GLIS3: variants seen among roughly 807,000 people sequenced by gnomAD.
GLIS3 encodes zinc finger protein GLIS3.
In GLIS3, 53 loss-of-function variants were observed where a neutral mutation model predicts 78.6. That is an observed-to-expected ratio of 0.67 (90% confidence interval 0.54 to 0.85). GLIS3 has a LOEUF of 0.85. GLIS3 is among the 40% of genes least tolerant of loss of function. GLIS3 has a pLI of 0.00. For missense variants in GLIS3, 1,703 were observed against 1,231.1 expected, an observed-to-expected ratio of 1.38 and a Z score of -5.74; for synonymous variants, 684 against 509.9, an observed-to-expected ratio of 1.34 and a Z score of -4.60.
chr9:4,140,380 C>T (rs1833720725), intron 2 of GLIS3, among the ~76,000 whole-genome samples: 3 of 152,116 alleles, frequency 2.0e-5, no homozygotes, highest in Admixed American at 2.0e-4. Flanking sequence ...TTGTTTTTCC[C>T]TAAGCAGTAA....
chr9:4,419,077 T>C, the GLIS3 span, among the ~76,000 whole-genome samples: 1 of 152,208 alleles, frequency 6.6e-6, no homozygotes, highest in South Asian at 2.1e-4. Flanking sequence ...AAATACACCA[T>C]TGCTGAGAGC....
At position 4,027,862 on chromosome 9, in the gene GLIS3, A is replaced by G. The variant is rs569913334; in HGVS notation, c.1710+89906T>C. On this transcript the variant is annotated intron_variant, in intron 4 of 10. Transcript: ENST00000381971. ...GTAGGAGAGGTACGCTCCAGCTAAT[A>G]GGCCATCAATCTGTCAGTGGCTCTT... 7.2e-5 allele frequency among the ~76,000 whole-genome samples: 11 copies of G among 152,296 alleles called. No individual in the cohort carries two copies. The South Asian group carries it at 2.3e-3, about 32-fold the overall frequency.
intron 4 of GLIS3, among the ~76,000 whole-genome samples, chr9:4,037,080 G>A (rs188318451): frequency 7.2e-5 from 11 of 152,136 alleles, no homozygotes; most frequent in Admixed American, 7.2e-4. Flanking sequence ...CACTCTCTGA[G>A]CACCAGTTTT....
intron 2 of GLIS3, among the ~76,000 whole-genome samples, chr9:4,241,150 G>C (rs1823271163): frequency 6.6e-6 from 1 of 152,162 alleles, no homozygotes. Flanking sequence ...TGCACACTCT[G>C]AAATCTAAAG....
At chr9:3,852,754 AC>A (rs869153098) in intron 9 of GLIS3, among the ~76,000 whole-genome samples, 13 of 121,696 alleles carry the variant, frequency 1.1e-4, no homozygotes, top group Middle Eastern at 4.2e-3. Flanking sequence ...AATGGCTAAT[AC>A]AGGGGCACGC....
At chr9:4,030,467 CT>C (rs1325965065) in intron 4 of GLIS3, among the ~76,000 whole-genome samples, 1 of 152,160 alleles carries the variant, frequency 6.6e-6, no homozygotes, top group Non-Finnish European at 1.5e-5. Context: ...TCCATCTTTG[CT>C]TTGGTTGCCT....
At chr9:4,369,945 A>G in the GLIS3 span, among the ~76,000 whole-genome samples, 1 of 152,200 alleles carries the variant, frequency 6.6e-6, no homozygotes, top group Non-Finnish European at 1.5e-5. Context: ...TAATCCCAGC[A>G]TTTTGGGAGG....
chr9:4,184,584 G>T (rs1470856130), intron 2 of GLIS3, among the ~76,000 whole-genome samples: 1 of 152,166 alleles, frequency 6.6e-6, no homozygotes, highest in Non-Finnish European at 1.5e-5. Flanking sequence ...TGATCAATGT[G>T]TTTGCTTAAA....
intron 4 of GLIS3, among the ~76,000 whole-genome samples, chr9:3,963,085 A>G (rs1344783396): frequency 7.2e-5 from 11 of 152,172 alleles, no homozygotes; most frequent in Non-Finnish European, 1.3e-4. Flanking sequence ...AGGCAAGTAT[A>G]ATTACATGGT....
the GLIS3 span, among the ~76,000 whole-genome samples, chr9:4,466,678 C>G: frequency 6.5e-4 from 99 of 152,280 alleles, no homozygotes; most frequent in African/African-American, 2.3e-3. Flanking sequence ...TCCAAGATGG[C>G]TGAATAGGAA....
chr9:3,886,516 G>T (rs1822083094), intron 7 of GLIS3, among the ~76,000 whole-genome samples: 2 of 152,152 alleles, frequency 1.3e-5, no homozygotes, highest in South Asian at 4.1e-4. Flanking sequence ...AGTTTATCTT[G>T]AAGTATTTTT....
At chr9:4,405,146 G>A in the GLIS3 span, among the ~76,000 whole-genome samples, 2 of 152,000 alleles carry the variant, frequency 1.3e-5, no homozygotes, top group African/African-American at 2.4e-5. Context: ...CCTGAGGTTG[G>A]GAGTTCGAGA....
At chr9:4,324,369 C>T (rs908699370) in intron 2 of GLIS3, among the ~76,000 whole-genome samples, 1 of 152,134 alleles carries the variant, frequency 6.6e-6, no homozygotes, top group Non-Finnish European at 1.5e-5. Context: ...AGTTACTTAA[C>T]TTCTTTCAAC....
At chr9:4,488,930 G>C in the GLIS3 span, among the ~76,000 whole-genome samples, 7 of 151,444 alleles carry the variant, frequency 4.6e-5, no homozygotes, top group Non-Finnish European at 2.9e-5. Context: ...GCAGTGGCTT[G>C]ATCTCAGCTT....
At position 4,212,780 on chromosome 9, in the gene GLIS3, T is replaced by C. The variant is rs114808351; in HGVS notation, c.388+73258A>G. 8.0e-3 allele frequency among the ~76,000 whole-genome samples: 1,215 copies of C among 152,258 alleles called. 23 individuals are homozygous for C. Among genetic ancestry groups the C allele is most frequent in the African/African-American group, 0.028 (1,145 of 41,540 alleles). On this transcript the variant is annotated intron_variant, in intron 2 of 10. Transcript: ENST00000381971. ...ACTCCATCTAAATAGGGCATAGTGTTAGAGGCAATGAGTAGAAGAGAAGTT... is the reference window on the plus strand; with the variant it reads ...ACTCCATCTAAATAGGGCATAGTGTCAGAGGCAATGAGTAGAAGAGAAGTT...
the GLIS3 span, among the ~76,000 whole-genome samples, chr9:4,362,318 T>A: frequency 6.6e-6 from 1 of 152,226 alleles, no homozygotes; most frequent in Non-Finnish European, 1.5e-5. Flanking sequence ...TAGGAAGGAA[T>A]CTCTCATTCT....
intron 4 of GLIS3, chr9:4,305,653 A>G (rs1817208670): frequency 6.6e-6 from 1 of 152,256 alleles, no homozygotes; most frequent in Admixed American, 6.5e-5. Context: ...AGTTTGGGCT[A>G]AATGAGATGT....
chr9:4,216,391 TGAGCTTGCAGTGAGAAAGGCG>T (rs201825302), intron 2 of GLIS3, among the ~76,000 whole-genome samples: 6,138 of 150,394 alleles, frequency 0.041, 150 homozygotes, highest in Middle Eastern at 0.066. Context: ...GAGAATGGCG[TGAGCTTGCAGTGAGAAAGGCG>T]GAGCTTGCAG....
chr9:3,990,382 G>A (rs976466515), intron 4 of GLIS3, among the ~76,000 whole-genome samples: 1 of 152,156 alleles, frequency 6.6e-6, no homozygotes, highest in Non-Finnish European at 1.5e-5. Flanking sequence ...CACGGCAATG[G>A]CGCATGTTTT....
Sources: gnomAD v4.1 joint callset for allele counts (sites outside exome capture counted in the v4.1 genomes callset) on GRCh38, gnomAD v4.1.1 for gene constraint, MANE v1.5 for transcripts, NCBI Gene and HGNC (gene_info 2026-07-23, HGNC 2026-07-21) for gene names.